CCDC30: variants seen among roughly 807,000 people sequenced by gnomAD.
CCDC30 encodes the protein coiled-coil domain containing 30.
Under a neutral mutation model 100.2 loss-of-function variants are expected in CCDC30, and 70 were observed. The observed-to-expected ratio is 0.70, with a 90% CI of 0.58 to 0.85. CCDC30 has a LOEUF of 0.85. Ranked by LOEUF, CCDC30 falls within the 40% of genes least tolerant of loss-of-function variation. The probability of loss-of-function intolerance (pLI) is 0.00; values close to 1 mark genes in which losing one functional copy is unlikely to be tolerated. For missense variants in CCDC30, 652 were observed against 771.2 expected (o/e 0.85, Z 1.83); for synonymous variants, 233 against 269.5 (o/e 0.86, Z 1.33).
intron 6 of CCDC30, among the ~76,000 whole-genome samples, chr1:42,525,137 C>T (rs1359888774): frequency 6.6e-6 from 1 of 152,034 alleles, no homozygotes; most frequent in South Asian, 2.1e-4. Context: ...TTTCTTAGTA[C>T]TTATCTTGCT....
intron 6 of CCDC30, among the ~76,000 whole-genome samples, chr1:42,552,298 G>C (rs6675834): frequency 0.025 from 3,741 of 152,200 alleles, 64 homozygotes; most frequent in Non-Finnish European, 0.04. Context: ...CCAAGTCAGG[G>C]AAAACTCCTT....
chr1:42,495,148 C>T (rs1403495150), intron 4 of CCDC30, among the ~76,000 whole-genome samples: 5 of 150,566 alleles, frequency 3.3e-5, no homozygotes, highest in African/African-American at 1.2e-4. Context: ...AAATGTGGCA[C>T]ATGTACACCA....
At chr1:42,550,770 G>A (rs1403740102) in intron 6 of CCDC30, among the ~76,000 whole-genome samples, 1 of 152,124 alleles carries the variant, frequency 6.6e-6, no homozygotes, top group Non-Finnish European at 1.5e-5. Context: ...GCTATGTGAG[G>A]GCACAGACCT....
chr1:42,543,995 A>G, intron 6 of CCDC30, among the ~76,000 whole-genome samples: 1 of 152,194 alleles, frequency 6.6e-6, no homozygotes, highest in East Asian at 1.9e-4. Flanking sequence ...GCTATTGTCT[A>G]CCTTAGCACA....
Position 42,515,622 on chromosome 1 carries a change from C to G in CCDC30, c.456+16706C>G, listed in dbSNP as rs148402528. ...ACTAGTACCTTAATCTTAAACTTCTCGCCTCTAGAACTCTGATAAATAAAC... is the reference window on the plus strand; with the variant it reads ...ACTAGTACCTTAATCTTAAACTTCTGGCCTCTAGAACTCTGATAAATAAAC... On this transcript the variant is annotated intron_variant, in intron 6 of 16. Coordinates refer to ENST00000668663, the Ensembl canonical transcript of CCDC30. 5.2e-3 allele frequency among the ~76,000 whole-genome samples: 794 copies of G among 152,298 alleles called. 8 individuals are homozygous for G. Among genetic ancestry groups the G allele is most frequent in the African/African-American group, 0.018 (767 of 41,564 alleles).
At chr1:42,465,559 T>C (rs2809661) in intron 1 of CCDC30, among the ~76,000 whole-genome samples, 16 of 152,086 alleles carry the variant, frequency 1.1e-4, no homozygotes, top group Non-Finnish European at 1.5e-4. Context: ...AGACGGGGTT[T>C]CTCCACGTTG....
intron 11 of CCDC30, among the ~76,000 whole-genome samples, chr1:42,623,704 T>C (rs1178197123): frequency 1.3e-5 from 2 of 152,214 alleles, no homozygotes; most frequent in Non-Finnish European, 2.9e-5. Context: ...TAGGATGTCT[T>C]TGGCTATTCT....
At chr1:42,652,288 C>A (rs1648416197) in intron 15 of CCDC30, among the ~76,000 whole-genome samples, 1 of 151,826 alleles carries the variant, frequency 6.6e-6, no homozygotes, top group African/African-American at 2.4e-5. Context: ...AAGCATAGAG[C>A]AAAATGCTGG....
intron 6 of CCDC30, among the ~76,000 whole-genome samples, chr1:42,525,328 T>A (rs72659948): frequency 0.14 from 20,708 of 152,194 alleles, 1,548 homozygotes; most frequent in East Asian, 0.19. Context: ...TTTTCCCCAG[T>A]TTTTCTCTCT....
intron 6 of CCDC30, among the ~76,000 whole-genome samples, chr1:42,531,155 G>A (rs146339967): frequency 7.9e-5 from 12 of 152,010 alleles, no homozygotes; most frequent in East Asian, 1.9e-4. Context: ...GAGTTCTCAC[G>A]AGATCTGGTT....
chr1:42,497,798 T>C (rs967203158), intron 5 of CCDC30, among the ~76,000 whole-genome samples: 1 of 152,194 alleles, frequency 6.6e-6, no homozygotes, highest in African/African-American at 2.4e-5. Context: ...CAAATGTTGA[T>C]GTGGAAAAAT....
intron 6 of CCDC30, among the ~76,000 whole-genome samples, chr1:42,553,347 G>A (rs1465941374): frequency 6.7e-6 from 1 of 149,904 alleles, no homozygotes; most frequent in Non-Finnish European, 1.5e-5. Flanking sequence ...TAGCTGGTCT[G>A]CCTTCTTCTT....
At chr1:42,642,147 A>T (rs962896162) in intron 12 of CCDC30, among the ~76,000 whole-genome samples, 9 of 152,038 alleles carry the variant, frequency 5.9e-5, no homozygotes, top group African/African-American at 2.4e-5. Flanking sequence ...AATGGCATGA[A>T]CCTGGGAGGT....
chr1:42,621,675 T>C (rs926759668), intron 11 of CCDC30, among the ~76,000 whole-genome samples: 2 of 151,816 alleles, frequency 1.3e-5, no homozygotes, highest in African/African-American at 4.9e-5. Context: ...CCACGCAGGC[T>C]AATTTTTTTG....
At chr1:42,519,754 C>T (rs1557821671) in intron 6 of CCDC30, among the ~76,000 whole-genome samples, 1 of 152,076 alleles carries the variant, frequency 6.6e-6, no homozygotes, top group Non-Finnish European at 1.5e-5. Context: ...AGGGTTTCAC[C>T]ATGTTGGCCA....
chr1:42,517,515 C>A (rs377378920), intron 6 of CCDC30, among the ~76,000 whole-genome samples: 14 of 152,268 alleles, frequency 9.2e-5, no homozygotes, highest in African/African-American at 3.1e-4. Context: ...GGAGAGTTCC[C>A]CCTAAGTTTT....
intron 6 of CCDC30, among the ~76,000 whole-genome samples, chr1:42,514,172 T>C (rs1644520375): frequency 6.6e-6 from 1 of 152,242 alleles, no homozygotes; most frequent in Non-Finnish European, 1.5e-5. Context: ...AGTTTCTACT[T>C]TGTGATTATT....
At chr1:42,620,549 A>G (rs75346565) in intron 11 of CCDC30, among the ~76,000 whole-genome samples, 123 of 151,532 alleles carry the variant, frequency 8.1e-4, no homozygotes, top group African/African-American at 2.7e-3. Flanking sequence ...GGCAGAGCAC[A>G]GTTATTCAAA....
chr1:42,571,502 T>G (rs1347733987), intron 7 of CCDC30: 1 of 149,862 alleles, frequency 6.7e-6, no homozygotes, highest in African/African-American at 2.5e-5. Context: ...AAAAAAAAAA[T>G]GAACCAGAAG....
Sources: gnomAD v4.1 joint callset for allele counts (sites outside exome capture counted in the v4.1 genomes callset) on GRCh38, gnomAD v4.1.1 for gene constraint, MANE v1.5 for transcripts, NCBI Gene and HGNC (gene_info 2026-07-23, HGNC 2026-07-21) for gene names.